Variants in BAZ2B observed in about 807,000 individuals in gnomAD.
The protein encoded by BAZ2B is bromodomain adjacent to zinc finger domain 2B.
In BAZ2B, 91 loss-of-function variants were observed where a neutral mutation model predicts 246.0. That is an observed-to-expected ratio of 0.37 (90% CI 0.31 to 0.44). The LOEUF (loss-of-function observed/expected upper bound fraction) is 0.44, where lower values mean the gene tolerates loss of function less well. Ranked by LOEUF, BAZ2B falls within the 20% of genes least tolerant of loss-of-function variation. The probability of loss-of-function intolerance (pLI) is 1.00; values close to 1 mark genes in which losing one functional copy is unlikely to be tolerated. For synonymous variants in BAZ2B, 855 were observed against 860.0 expected (o/e 0.99, Z 0.10); for missense variants, 2,332 against 2,533.7 (o/e 0.92, Z 1.71).
At chr2:159,398,785 T>C (rs1457897040) in intron 18 of BAZ2B, 44 bp downstream of exon 18, 1 of 1,549,512 alleles carries the variant, frequency 6.5e-7, no homozygotes, top group Non-Finnish European at 8.8e-7. Flanking sequence ...ACATATAGTT[T>C]TTATTTTTCA....
chr2:159,337,429 C>A (rs767197066), intron 32 of BAZ2B, 138 bp downstream of exon 32: 1 of 1,550,820 alleles, frequency 6.4e-7, no homozygotes, highest in South Asian at 1.2e-5. Context: ...CAAAGAAGCA[C>A]AATAATTTTT....
the BAZ2B span, among the ~76,000 whole-genome samples, chr2:159,702,019 C>A: frequency 2.6e-5 from 4 of 152,284 alleles, no homozygotes; most frequent in African/African-American, 9.6e-5. Context: ...TGAACCACTG[C>A]GCCAGGCCAT....
At chr2:159,626,389 C>T in the BAZ2B span, among the ~76,000 whole-genome samples, 9 of 152,176 alleles carry the variant, frequency 5.9e-5, no homozygotes, top group Non-Finnish European at 1.0e-4. Context: ...CTCAGCACCA[C>T]ATCACACTTA....
chr2:159,328,391 G>A (rs1453644599), intron 34 of BAZ2B, among the ~76,000 whole-genome samples: 1 of 152,156 alleles, frequency 6.6e-6, no homozygotes, highest in East Asian at 1.9e-4. Context: ...ATTGATAGAA[G>A]TCACAAACTG....
the BAZ2B span, among the ~76,000 whole-genome samples, chr2:159,651,932 T>C: frequency 2.6e-5 from 4 of 152,210 alleles, no homozygotes; most frequent in African/African-American, 9.6e-5. Flanking sequence ...TCACATTTTA[T>C]TTTTCCATTC....
chr2:159,418,283 A>G (rs1453903556), intron 13 of BAZ2B, among the ~76,000 whole-genome samples: 6 of 152,194 alleles, frequency 3.9e-5, no homozygotes, highest in Admixed American at 3.9e-4. Context: ...TTCAAAAGAG[A>G]TCATGAAATT....
At chr2:159,365,941 C>G (rs1385501880) in intron 27 of BAZ2B, among the ~76,000 whole-genome samples, 1 of 152,176 alleles carries the variant, frequency 6.6e-6, no homozygotes, top group Admixed American at 6.5e-5. Flanking sequence ...TGCAGCGATC[C>G]CACACAATGA....
At chr2:159,632,292 A>C in the BAZ2B span, among the ~76,000 whole-genome samples, 1 of 152,232 alleles carries the variant, frequency 6.6e-6, no homozygotes, top group African/African-American at 2.4e-5. Context: ...AAAGCTGTGT[A>C]GGTTATGCAC....
At chr2:159,403,729 G>A (rs2065461880) in intron 16 of BAZ2B, among the ~76,000 whole-genome samples, 1 of 152,128 alleles carries the variant, frequency 6.6e-6, no homozygotes, top group Non-Finnish European at 1.5e-5. Context: ...GTAGTTGGAT[G>A]TTTTATATTT....
At chr2:159,336,200 A>C (rs1217245843) in intron 33 of BAZ2B, among the ~76,000 whole-genome samples, 2 of 152,204 alleles carry the variant, frequency 1.3e-5, no homozygotes, top group East Asian at 3.9e-4. Context: ...TTCATAAAAG[A>C]CTACATATAA....
chr2:159,577,047 G>A (rs915143061), intron 1 of BAZ2B, among the ~76,000 whole-genome samples: 7 of 151,650 alleles, frequency 4.6e-5, no homozygotes, highest in African/African-American at 1.7e-4. Flanking sequence ...GCAACACAGT[G>A]AGACCCTCAT....
At chr2:159,346,178 T>A (rs986955029) in intron 31 of BAZ2B, among the ~76,000 whole-genome samples, 3 of 152,196 alleles carry the variant, frequency 2.0e-5, no homozygotes, top group African/African-American at 7.2e-5. Flanking sequence ...AAATTTTTGC[T>A]TCCCAACGTT....
At chr2:159,589,133 AT>A (rs1275847081) in intron 1 of BAZ2B, among the ~76,000 whole-genome samples, 1 of 152,190 alleles carries the variant, frequency 6.6e-6, no homozygotes, top group African/African-American at 2.4e-5. Context: ...AACTACTAAT[AT>A]TTAACACATG....
chr2:159,689,745 C>A, the BAZ2B span: 1 of 471,604 alleles, frequency 2.1e-6, no homozygotes, highest in Non-Finnish European at 3.9e-6. Flanking sequence ...ATGTCTTTTC[C>A]AATGTTGTCT....
chr2:159,448,247 T>C lies in BAZ2B; in HGVS notation c.497A>G (p.Glu166Gly), dbSNP rs2074541649. 6.2e-7 allele frequency: 1 copy of C among 1,611,928 alleles called. No homozygotes were observed. Among genetic ancestry groups the C allele is most frequent in the Non-Finnish European group, 8.5e-7 (1 of 1,179,486 alleles). The change falls in exon 5 of 37, where the codon GAA becomes GGA. Residue 166 changes from glutamate to glycine, a missense_variant. By Grantham distance (98) the Glu-to-Gly change is moderately conservative. Around this residue, in one of 9 missense-constraint regions of BAZ2B, gnomAD observed 242 missense variants for 237.4 expected, o/e 1.02. Coordinates refer to ENST00000392783, the MANE Select transcript of BAZ2B (RefSeq NM_013450.4). ...ACTTATGTAAATGTGGATACCTTTT[T>C]CGGGACCATTTCGATTACTTTTTCC... Reference protein sequence around the residue: ...TSGKSNRNGPEKGVNGSINGS... With the variant: ...TSGKSNRNGPGKGVNGSINGS...
chr2:159,327,910 C>G (rs189669342), intron 34 of BAZ2B, among the ~76,000 whole-genome samples: 1 of 151,946 alleles, frequency 6.6e-6, no homozygotes, highest in East Asian at 1.9e-4. Flanking sequence ...ACCAAAAATA[C>G]AAAAATTGGC....
chr2:159,325,819 C>T lies in BAZ2B; in HGVS notation c.6043G>A (p.Glu2015Lys), dbSNP rs547598843. ...GKKVTLTGDTEDEDSASTSSS... is the reference protein window; with the variant it reads ...GKKVTLTGDTKDEDSASTSSS... The stretch of plus-strand genomic sequence containing the variant: ...CTTGTAGATGCAGAGTCTTCATCTT[C>T]AGTATCTCCTGTTAAAGTTACCTTC... The change falls in exon 35 of 37, where the codon GAA becomes AAA. Residue 2015 changes from glutamate (E) to lysine (K), a missense_variant. Around this residue, in one of 9 missense-constraint regions of BAZ2B, gnomAD observed 210 missense variants for 232.5 expected, o/e 0.90. Transcript: ENST00000392783. The T allele has an allele frequency of 6.2e-7, 1 of 1,609,620 alleles. No homozygotes were observed. Among genetic ancestry groups the T allele is most frequent in the African/African-American group, 1.3e-5 (1 of 74,710 alleles).
At chr2:159,693,796 T>G in the BAZ2B span, 1 of 152,016 alleles carries the variant, frequency 6.6e-6, no homozygotes, top group Non-Finnish European at 1.5e-5. Flanking sequence ...CTTAAACTCC[T>G]GGTCTCAAGC....
At chr2:159,462,038 T>G in intron 3 of BAZ2B, 1 of 191,232 alleles carries the variant, frequency 5.2e-6, no homozygotes, top group Non-Finnish European at 1.1e-5. Context: ...AGGATAGGGG[T>G]AGAAAGTAAT....
Sources: gnomAD v4.1 joint callset for allele counts (sites outside exome capture counted in the v4.1 genomes callset) on GRCh38, gnomAD v4.1.1 for gene constraint, gnomAD v4.1.1 regional missense constraint, MANE v1.5 for transcripts, NCBI Gene and HGNC (gene_info 2026-07-23, HGNC 2026-07-21) for gene names.